Variants in TEX2 observed in about 807,000 individuals in gnomAD.
The protein encoded by TEX2 is testis expressed 2.
TEX2 carries 53 observed loss-of-function variants against 106.9 expected under a neutral mutation model. That is an observed-to-expected ratio of 0.50 (90% CI 0.40 to 0.62). The LOEUF (loss-of-function observed/expected upper bound fraction) is 0.62. Ranked by LOEUF, TEX2 falls within the 20% of genes least tolerant of loss-of-function variation. The probability of loss-of-function intolerance (pLI) is 0.00; values close to 1 mark genes in which losing one functional copy is unlikely to be tolerated. For missense variants in TEX2, 1,207 were observed against 1,379.0 expected (o/e 0.88, Z 1.98); for synonymous variants, 523 against 534.8 (o/e 0.98, Z 0.30).
At chr17:64,209,781 G>A (rs1555631243) in intron 2 of TEX2, among the ~76,000 whole-genome samples, 1 of 152,196 alleles carries the variant, frequency 6.6e-6, no homozygotes, top group Non-Finnish European at 1.5e-5. Flanking sequence ...GACGAGGATT[G>A]AATGAGATAA....
chr17:64,223,292 G>T (rs1360540388), intron 1 of TEX2, among the ~76,000 whole-genome samples: 3 of 148,058 alleles, frequency 2.0e-5, no homozygotes, highest in Non-Finnish European at 1.5e-5. Context: ...AAAATGAAGA[G>T]CCATTTCAAG....
At chr17:64,192,302 A>G (rs1350175992) in intron 4 of TEX2, among the ~76,000 whole-genome samples, 1 of 152,246 alleles carries the variant, frequency 6.6e-6, no homozygotes, top group Non-Finnish European at 1.5e-5. Flanking sequence ...CATACTAGAA[A>G]CAGGGTGGGC....
chr17:64,209,815 C>T (rs1262284472), intron 2 of TEX2, among the ~76,000 whole-genome samples: 1 of 152,196 alleles, frequency 6.6e-6, no homozygotes, highest in Non-Finnish European at 1.5e-5. Flanking sequence ...TAGCCCACTG[C>T]AGTGCTCAGC....
Position 64,188,384 on chromosome 17 carries a change from ACTGTTGTGTCTGCTGTGTG to A in TEX2, c.2189_2207del (p.Ala730ValfsTer6). On this transcript the variant is annotated frameshift_variant, in exon 5 of 12. Transcript: ENST00000584379. LOFTEE classifies it high-confidence loss of function. The stretch of plus-strand genomic sequence containing the variant: ...GGCTGTGGGTCAGGTGCCCGGACGG[ACTGTTGTGTCTGCTGTGTG>A]CAGGCAAAAGCCCTGGAGCCAAGAA... 1 of 1,614,200 alleles carries A rather than the reference ACTGTTGTGTCTGCTGTGTG, an allele frequency of 6.2e-7. No individual in the cohort carries two copies. The highest frequency in any genetic ancestry group is 8.5e-7 in the Non-Finnish European group (1 of 1,180,030).
At chr17:64,159,270 CAT>C (rs1419172475) in intron 8 of TEX2, among the ~76,000 whole-genome samples, 1 of 152,228 alleles carries the variant, frequency 6.6e-6, no homozygotes, top group African/African-American at 2.4e-5. Context: ...TGCACAAACG[CAT>C]CTGCCTGAGG....
At chr17:64,202,866 G>A (rs1555630252) in intron 2 of TEX2, among the ~76,000 whole-genome samples, 2 of 152,074 alleles carry the variant, frequency 1.3e-5, no homozygotes, top group Non-Finnish European at 2.9e-5. Flanking sequence ...AGTGCACCCC[G>A]CTGGGGACAA....
chr17:64,167,647 C>G (rs374813823), intron 7 of TEX2, among the ~76,000 whole-genome samples: 1 of 151,962 alleles, frequency 6.6e-6, no homozygotes, highest in Admixed American at 6.6e-5. Flanking sequence ...GGAGAAACCC[C>G]CTCTCTACTA....
In TEX2 at chr17:64,177,476, CAAAAG is replaced by C; in HGVS notation, c.2425-10_2425-6del. 1 of 1,610,680 alleles carries C rather than the reference CAAAAG, an allele frequency of 6.2e-7. No homozygotes were observed. The highest frequency in any genetic ancestry group is 8.5e-7 in the Non-Finnish European group (1 of 1,179,114). ...AGAGGGTGGAACCTCTGGCAACTGGCAAAAGAAAAGGGACCAAAATTAGCTAGAAA... is the reference window on the plus strand; with the variant it reads ...AGAGGGTGGAACCTCTGGCAACTGGCAAAAGGGACCAAAATTAGCTAGAAA... On this transcript the variant is annotated splice_region_variant and splice_polypyrimidine_tract_variant and intron_variant, in intron 5 of 11. Coordinates refer to ENST00000584379, the MANE Select transcript of TEX2 (RefSeq NM_001288732.2).
intron 7 of TEX2, among the ~76,000 whole-genome samples, chr17:64,164,363 G>T (rs1026616644): frequency 2.0e-5 from 3 of 152,014 alleles, no homozygotes; most frequent in Admixed American, 2.0e-4. Context: ...GCTTGAGCCT[G>T]GGGGGCAGAG....
At chr17:64,176,414 G>A (rs1218862950) in intron 6 of TEX2, among the ~76,000 whole-genome samples, 2 of 152,112 alleles carry the variant, frequency 1.3e-5, no homozygotes, top group Non-Finnish European at 2.9e-5. Flanking sequence ...TTGTGTCAAC[G>A]TGTTTTTCTA....
At chr17:64,216,914 T>C (rs1303868490) in intron 1 of TEX2, among the ~76,000 whole-genome samples, 1 of 152,134 alleles carries the variant, frequency 6.6e-6, no homozygotes. Context: ...CTCACTGTTG[T>C]TATTGTCCTC....
At chr17:64,253,881 G>C (rs1231947673) in intron 1 of TEX2, among the ~76,000 whole-genome samples, 1 of 152,120 alleles carries the variant, frequency 6.6e-6, no homozygotes, top group Non-Finnish European at 1.5e-5. Flanking sequence ...TCCTGAAACT[G>C]TCATCCATTT....
intron 2 of TEX2, 141 bp downstream of exon 2, chr17:64,212,433 G>A: frequency 1.4e-6 from 1 of 737,414 alleles, no homozygotes; most frequent in Non-Finnish European, 2.3e-6. Flanking sequence ...CTGGGTGCCT[G>A]GAGAATGAAG....
chr17:64,178,862 G>C (rs183760183), intron 5 of TEX2, among the ~76,000 whole-genome samples: 53 of 152,360 alleles, frequency 3.5e-4, no homozygotes, highest in African/African-American at 1.2e-3. Context: ...AGCTGTGACT[G>C]TGCCCACATT....
chr17:64,155,028 A>AAC (rs1455810637), intron 8 of TEX2, 61 bp from the exon 9 acceptor site: 60 of 1,490,474 alleles, frequency 4.0e-5, no homozygotes, highest in Non-Finnish European at 5.3e-5. Context: ...TTAGAAAGAG[A>AAC]ACACACACAC....
chr17:64,158,001 C>G (rs35748504), intron 8 of TEX2, among the ~76,000 whole-genome samples: 14,513 of 152,324 alleles, frequency 0.095, 786 homozygotes, highest in Non-Finnish European at 0.11. Flanking sequence ...TTCTGGCCCT[C>G]TGCAGGGCAG....
At chr17:64,160,054 G>C (rs961885769) in intron 8 of TEX2, among the ~76,000 whole-genome samples, 1 of 152,062 alleles carries the variant, frequency 6.6e-6, no homozygotes, top group Non-Finnish European at 1.5e-5. Context: ...CCATGCAAAG[G>C]GCTAAAGATG....
intron 1 of TEX2, among the ~76,000 whole-genome samples, chr17:64,218,845 A>G (rs2033269051): frequency 6.6e-6 from 1 of 152,118 alleles, no homozygotes; most frequent in African/African-American, 2.4e-5. Context: ...TAACAGGTGA[A>G]CCAGAAGCAA....
At chr17:64,202,797 C>T (rs2032712598) in intron 2 of TEX2, among the ~76,000 whole-genome samples, 1 of 152,240 alleles carries the variant, frequency 6.6e-6, no homozygotes, top group African/African-American at 2.4e-5. Flanking sequence ...TCAACCCACA[C>T]TAAAGTGACT....
Sources: allele counts gnomAD v4.1 joint callset (sites outside exome capture counted in the v4.1 genomes callset), GRCh38; gene constraint gnomAD v4.1.1; transcripts MANE v1.5; gene names NCBI Gene and HGNC (gene_info 2026-07-23, HGNC 2026-07-21).